The following RFTN1 variants were observed in gnomAD, a reference collection of about 807,000 sequenced individuals.
RFTN1 encodes the protein raftlin.
In RFTN1, 26 loss-of-function variants were observed where a neutral mutation model predicts 46.5. The observed-to-expected ratio is 0.56, with a 90% CI of 0.41 to 0.78. The LOEUF is 0.78. Ranked by LOEUF, RFTN1 falls within the 30% of genes least tolerant of loss-of-function variation. RFTN1 has a pLI of 0.00. For missense variants in RFTN1, 693 were observed against 718.7 expected, an observed-to-expected ratio of 0.96 and a Z score of 0.41; for synonymous variants, 261 against 284.2, an observed-to-expected ratio of 0.92 and a Z score of 0.82.
chr3:16,358,843 G>A (rs953276795), intron 6 of RFTN1, among the ~76,000 whole-genome samples: 2 of 152,016 alleles, frequency 1.3e-5, no homozygotes, highest in East Asian at 3.9e-4. Context: ...ACCAGCCTGG[G>A]CAACACAATG....
At chr3:16,379,773 T>C (rs908088308) in intron 4 of RFTN1, among the ~76,000 whole-genome samples, 11 of 152,204 alleles carry the variant, frequency 7.2e-5, no homozygotes, top group African/African-American at 2.7e-4. Flanking sequence ...CATTAATCTA[T>C]GATATCCACC....
Position 16,458,601 on chromosome 3 carries a change from T to A in RFTN1, c.146-24564A>T, listed in dbSNP as rs2075955034. 6.6e-6 allele frequency among the ~76,000 whole-genome samples: 1 copy of A among 152,214 alleles called. No homozygotes were observed. Among genetic ancestry groups the A allele is most frequent in the Admixed American group, 6.5e-5 (1 of 15,278 alleles). ...TCGTAAATTGTCCTTTCAACATGCA[T>A]AATGACAAGCATTTCGACCCACACA... On this transcript the variant is annotated intron_variant, in intron 2 of 9. Transcript: ENST00000334133. This position sits in a 1 kb window ranked among gnomAD's most constrained non-coding sequence, Gnocchi z 5.1.
intron 2 of RFTN1, among the ~76,000 whole-genome samples, chr3:16,469,005 T>C (rs1040213031): frequency 6.6e-6 from 1 of 152,212 alleles, no homozygotes; most frequent in African/African-American, 2.4e-5. Context: ...AGGTGGAGTT[T>C]CCTTTGGCCA....
At chr3:16,331,585 C>T (rs556210391) in intron 7 of RFTN1, among the ~76,000 whole-genome samples, 3 of 152,132 alleles carry the variant, frequency 2.0e-5, no homozygotes, top group African/African-American at 7.2e-5. Flanking sequence ...CTAATTTATC[C>T]CACATGTTGC....
At chr3:16,405,333 G>T (rs1173385417) in intron 4 of RFTN1, among the ~76,000 whole-genome samples, 1 of 152,166 alleles carries the variant, frequency 6.6e-6, no homozygotes, top group Non-Finnish European at 1.5e-5. Context: ...CTCCAAGTCT[G>T]CCCATAGCTC....
At chr3:16,360,105 G>A (rs995271803) in intron 6 of RFTN1, among the ~76,000 whole-genome samples, 24 of 151,436 alleles carry the variant, frequency 1.6e-4, no homozygotes, top group Non-Finnish European at 3.5e-4. Context: ...AGAAACAAAG[G>A]ACATAAAGCA....
rs1019727047 is a variant in RFTN1, at chr3:16,479,470, G to A, written c.145+14255C>T. On this transcript the variant is annotated intron_variant, in intron 2 of 9. Coordinates refer to ENST00000334133, the MANE Select transcript of RFTN1 (RefSeq NM_015150.2). The surrounding 1 kb of genome is among the most constrained non-coding windows in gnomAD (Gnocchi z 5.1). ...ATCACCAGTCTGAGGGATATGGAAGGCAATCCAGAAAAACCTCAACATCCT... is the reference window on the plus strand; with the variant it reads ...ATCACCAGTCTGAGGGATATGGAAGACAATCCAGAAAAACCTCAACATCCT... Among the ~76,000 whole-genome samples, 1 of 152,160 alleles carries A rather than the reference G, an allele frequency of 6.6e-6. No homozygotes were observed. The highest frequency in any genetic ancestry group is 2.4e-5 in the African/African-American group (1 of 41,426).
chr3:16,362,633 C>T (rs1386220177), intron 6 of RFTN1, among the ~76,000 whole-genome samples: 1 of 152,212 alleles, frequency 6.6e-6, no homozygotes, highest in Admixed American at 6.5e-5. Flanking sequence ...CAACACAGCA[C>T]ACATTTCCTC....
rs921767228 is a variant in RFTN1 at position 16,374,013 on chromosome 3, G to A, written c.826+3705C>T. ...GCCCGCTTGCCAGGGCAGCAGGAAA[G>A]GCAAAGTGCAGGGACCGCTGCTGCG... On this transcript the variant is annotated intron_variant, in intron 5 of 9. Transcript: ENST00000334133. This position sits in a 1 kb window ranked among gnomAD's most constrained non-coding sequence, Gnocchi z 5.4. Among the ~76,000 whole-genome samples the A allele has an allele frequency of 3.3e-5, 5 of 152,216 alleles. No individual in the cohort carries two copies. The highest frequency in any genetic ancestry group is 7.3e-5 in the Non-Finnish European group (5 of 68,036).
rs911499997 is a variant in RFTN1, at chr3:16,422,713, AAATC to A, written c.332+11134_332+11137del. 1.3e-5 allele frequency among the ~76,000 whole-genome samples: 2 copies of A among 152,204 alleles called. No homozygotes were observed. Among genetic ancestry groups the A allele is most frequent in the Admixed American group, 1.3e-4 (2 of 15,282 alleles). Reference sequence around the variant, plus strand: ...TCAAAATAACATGGTTCTGGCACAAAAATCAATAAGTAGATCAAAGAAACAATAA... The same window carrying A: ...TCAAAATAACATGGTTCTGGCACAAAAATAAGTAGATCAAAGAAACAATAA... On this transcript the variant is annotated intron_variant, in intron 3 of 9. Transcript: ENST00000334133. This position sits in a 1 kb window ranked among gnomAD's most constrained non-coding sequence, Gnocchi z 4.6.
intron 3 of RFTN1, among the ~76,000 whole-genome samples, chr3:16,420,391 T>G (rs941919640): frequency 2.0e-5 from 3 of 152,208 alleles, no homozygotes; most frequent in Non-Finnish European, 4.4e-5. Context: ...ATAAAAGCAG[T>G]CTGCCTGACA....
At chr3:16,399,442 A>G (rs933183309) in intron 4 of RFTN1, among the ~76,000 whole-genome samples, 1 of 152,194 alleles carries the variant, frequency 6.6e-6, no homozygotes, top group Non-Finnish European at 1.5e-5. Flanking sequence ...CCACTCCAGC[A>G]ATAGCTGTTT....
intron 7 of RFTN1, chr3:16,339,973 T>C (rs1468858215): frequency 6.6e-6 from 1 of 152,202 alleles, no homozygotes; most frequent in Non-Finnish European, 1.5e-5. Flanking sequence ...CCACCAAAAA[T>C]GTGAATTAAT....
At position 16,426,217 on chromosome 3, in the gene RFTN1, C is replaced by T. The variant is rs1253348135; in HGVS notation, c.332+7634G>A. Among the ~76,000 whole-genome samples the T allele has an allele frequency of 6.6e-6, 1 of 152,150 alleles. No homozygotes were observed. Among genetic ancestry groups the T allele is most frequent in the Non-Finnish European group, 1.5e-5 (1 of 68,030 alleles). On this transcript the variant is annotated intron_variant, in intron 3 of 9. Coordinates refer to ENST00000334133, the MANE Select transcript of RFTN1 (RefSeq NM_015150.2). This position sits in a 1 kb window ranked among gnomAD's most constrained non-coding sequence, Gnocchi z 5.9. ...GCACTCTAGGGCTGATCCTCGGCCTCGCGTGTGAACATTTTCTAGGGCACA... is the reference window on the plus strand; with the variant it reads ...GCACTCTAGGGCTGATCCTCGGCCTTGCGTGTGAACATTTTCTAGGGCACA...
At chr3:16,486,328 C>T (rs1330456444) in intron 2 of RFTN1, among the ~76,000 whole-genome samples, 1 of 151,990 alleles carries the variant, frequency 6.6e-6, no homozygotes, top group East Asian at 1.9e-4. Flanking sequence ...TCTGATGTCA[C>T]CTGCACCCCC....
intron 2 of RFTN1, among the ~76,000 whole-genome samples, chr3:16,486,919 C>A (rs567418201): frequency 6.6e-6 from 1 of 152,326 alleles, no homozygotes; most frequent in Non-Finnish European, 1.5e-5. Flanking sequence ...AGATGAGACA[C>A]AAGAGAGCTT....
chr3:16,358,142 A>G (rs1429374324), intron 6 of RFTN1, 95 bp from the exon 7 acceptor site: 2 of 716,502 alleles, frequency 2.8e-6, no homozygotes, highest in African/African-American at 1.8e-5. Context: ...GCATTCATTA[A>G]TAATCCCAAT....
intron 2 of RFTN1, among the ~76,000 whole-genome samples, chr3:16,455,788 A>G (rs2075894809): frequency 6.6e-6 from 1 of 152,222 alleles, no homozygotes; most frequent in African/African-American, 2.4e-5. Flanking sequence ...CAAAAACTCA[A>G]CGGATATCCT....
At chr3:16,393,708 T>C (rs535917490) in intron 4 of RFTN1, among the ~76,000 whole-genome samples, 1 of 152,030 alleles carries the variant, frequency 6.6e-6, no homozygotes, top group African/African-American at 2.4e-5. Context: ...ACCCAGGCTG[T>C]AGTGCAGTGG....
Sources: allele counts gnomAD v4.1 joint callset (sites outside exome capture counted in the v4.1 genomes callset), GRCh38; gene constraint gnomAD v4.1.1; non-coding constraint Gnocchi (gnomAD v3.1); transcripts MANE v1.5; gene names NCBI Gene and HGNC (gene_info 2026-07-23, HGNC 2026-07-21).